LAS1L: variants seen among roughly 807,000 people sequenced by gnomAD.
The protein encoded by LAS1L is LAS1 like ribosome biogenesis factor.
In LAS1L, 5 loss-of-function variants were observed where a neutral mutation model predicts 57.3. That is an observed-to-expected ratio of 0.09 (90% confidence interval 0.05 to 0.18). The LOEUF is 0.18. Ranked by LOEUF, LAS1L falls within the 10% of genes least tolerant of loss-of-function variation. The pLI is 1.00. For synonymous variants in LAS1L, 245 were observed against 231.7 expected (o/e 1.06, Z -0.52); for missense variants, 360 against 568.3 (o/e 0.63, Z 3.73).
chrX:65,529,908 G>A (rs1483692785), intron 4 of LAS1L, 30 bp from the exon 5 acceptor site: 1 of 1,188,215 alleles, frequency 8.4e-7, no homozygotes, highest in African/African-American at 1.7e-5. Flanking sequence ...CAGTGCCACA[G>A]GATCAGGCAG....
chrX:65,512,817 C>A lies in LAS1L; in HGVS notation c.2163G>T (p.Gln721His). 1.7e-6 allele frequency: 2 copies of A among 1,168,332 alleles called. No homozygotes were observed. Among genetic ancestry groups the A allele is most frequent in the Non-Finnish European group, 2.3e-6 (2 of 873,267 alleles). ...CAGTTTTGAGCCCATGCAGCTGCCC[C>A]TGGCTCCAGAGAAGGCCCTCGAAGT... Reference protein sequence around the residue: ...SSNFEGLLWSQGQLHGLKTGL... With the variant: ...SSNFEGLLWSHGQLHGLKTGL... Residue 721 changes from glutamine (Q) to histidine (H), a missense_variant, in exon 14 of 14, where the codon CAG (glutamine) becomes CAT (histidine). Gln to His is a conservative substitution (Grantham distance 24). Transcript: ENST00000374811.
In LAS1L at chrX:65,528,485, G is replaced by A. The variant is rs1359178998; in HGVS notation, c.847-116C>T. 4 of 435,122 alleles carry A rather than the reference G, an allele frequency of 9.2e-6. No homozygotes were observed. In the East Asian group the frequency reaches 1.6e-4, roughly 17 times the overall value. The allele number at this position is 435,122 out of a possible 1,213,427, so 35.9% of individuals were successfully genotyped here. ...CACTGCCCTGCAGGGGACAGGGCAG[G>A]GCATGCAGGGGGGGGCCCACAACTC... is the stretch of plus-strand genomic sequence containing the variant. On this transcript the variant is annotated intron_variant, in intron 6 of 13. Transcript: ENST00000374811.
At chrX:65,519,279 GGTAA>G (rs1207434308) in intron 11 of LAS1L, among the ~76,000 whole-genome samples, 1 of 111,948 alleles carries the variant, frequency 8.9e-6, no homozygotes, top group East Asian at 2.8e-4. Context: ...GGGCTGGGAA[GGTAA>G]GTGTGTGCAT....
At chrX:65,531,519 G>T in intron 3 of LAS1L, 81 bp from the exon 4 acceptor site, 1 of 655,806 alleles carries the variant, frequency 1.5e-6, no homozygotes, top group Non-Finnish European at 2.4e-6. Flanking sequence ...TAATTATCCT[G>T]ACCACCTCCT....
At chrX:65,515,785 C>T (rs1458353685) in intron 12 of LAS1L, among the ~76,000 whole-genome samples, 1 of 111,648 alleles carries the variant, frequency 9.0e-6, no homozygotes, top group African/African-American at 3.3e-5. Flanking sequence ...AGCAATCTTC[C>T]TGTCCCTACC....
At chrX:65,530,081 A>G (rs1281172302) in intron 4 of LAS1L, among the ~76,000 whole-genome samples, 9 of 111,767 alleles carry the variant, frequency 8.1e-5, no homozygotes, top group Admixed American at 9.5e-5. Flanking sequence ...CTTTTTCTAG[A>G]AAAAAAAACC....
At chrX:65,530,937 C>T (rs1484866949) in intron 4 of LAS1L, among the ~76,000 whole-genome samples, 1 of 110,017 alleles carries the variant, frequency 9.1e-6, no homozygotes, top group Admixed American at 9.7e-5. Context: ...GAGCCAAGGT[C>T]GTGCCACTGC....
intron 1 of LAS1L, 56 bp from the exon 2 acceptor site, chrX:65,533,791 C>G: frequency 8.6e-7 from 1 of 1,157,594 alleles, no homozygotes. Context: ...GTCCACCCTC[C>G]ACCTCAGAAC....
At chrX:65,526,351 GACAT>G (rs901850383) in intron 7 of LAS1L, among the ~76,000 whole-genome samples, 1 of 111,723 alleles carries the variant, frequency 9.0e-6, no homozygotes, top group Non-Finnish European at 1.9e-5. Context: ...CTGGAAAATT[GACAT>G]ACTTAGATCC....
intron 7 of LAS1L, among the ~76,000 whole-genome samples, chrX:65,525,748 C>CAAAAAAAAAAAAAAAAAAAAAAAAAAA (rs772564998): frequency 1.8e-4 from 7 of 38,221 alleles, no homozygotes; most frequent in African/African-American, 6.9e-4. Context: ...TCTGATTTTT[C>CAAAAAAAAAAAAAAAAAAAAAAAAAAA]AAAAAAAAAA....
intron 13 of LAS1L, 58 bp from the exon 14 acceptor site, chrX:65,512,959 C>T: frequency 9.2e-7 from 1 of 1,081,418 alleles, no homozygotes; most frequent in Non-Finnish European, 1.2e-6. Flanking sequence ...TCTGGAGGGG[C>T]CAAGAGTGCT....
At chrX:65,521,187 T>C (rs1434504034) in intron 11 of LAS1L, 1 of 751,936 alleles carries the variant, frequency 1.3e-6, no homozygotes, top group Non-Finnish European at 1.6e-6. Context: ...AGAAAGACTT[T>C]TGGACTCAAT....
rs955546579 is a variant in LAS1L, at chrX:65,518,393, A to G, written c.1521T>C (p.Tyr507=). 2.5e-6 allele frequency: 3 copies of G among 1,210,939 alleles called. No homozygotes were observed. In the African/African-American group the frequency reaches 5.2e-5, roughly 21 times the overall value. Residue 507 remains tyrosine (Y), a synonymous_variant, in exon 12 of 14, where the codon TAT becomes TAC. Coordinates refer to ENST00000374811, the MANE Select transcript of LAS1L (RefSeq NM_031206.7). ...CCAGGCTGTTTTCTCCACTCTGGGT[A>G]TAAATGGAACAGATGCGCAGCAGCT... is the stretch of plus-strand genomic sequence containing the variant. ...QEKLLRICSI[Y]TQSGENSLVQ...
chrX:65,521,004 G>A (rs2068826803), intron 11 of LAS1L: 1 of 753,733 alleles, frequency 1.3e-6, no homozygotes, highest in African/African-American at 2.3e-5. Context: ...AGGCCCTTTT[G>A]GTTCTCCTCC....
chrX:65,531,161 G>A (rs1041489714), intron 4 of LAS1L, among the ~76,000 whole-genome samples, 196 bp downstream of exon 4: 1 of 112,229 alleles, frequency 8.9e-6, no homozygotes, highest in African/African-American at 3.2e-5. Flanking sequence ...ACATTAATAT[G>A]TTATTTATCT....
At chrX:65,516,085 T>TGGTA (rs2068617120) in intron 12 of LAS1L, among the ~76,000 whole-genome samples, 1 of 111,815 alleles carries the variant, frequency 8.9e-6, no homozygotes, top group Admixed American at 9.5e-5. Flanking sequence ...CTTCTGCATC[T>TGGTA]CCCTGGTACT....
intron 12 of LAS1L, among the ~76,000 whole-genome samples, chrX:65,516,941 C>T (rs1196833890): frequency 9.0e-6 from 1 of 111,211 alleles, no homozygotes; most frequent in African/African-American, 3.3e-5. Context: ...TCTGCCACTG[C>T]ACACCCCACA....
At position 65,533,710 on chromosome X, in the gene LAS1L, C is replaced by T; in HGVS notation, c.262G>A (p.Val88Met). The part of the protein sequence containing the change: ...SRSGNELPLA[V>M]ASTADLIRCK... ...CGTATCAGGTCAGCAGTAGAAGCCACTGCCAGAGGGAGTTCGTTGCCTGAC... is the reference window on the plus strand; with the variant it reads ...CGTATCAGGTCAGCAGTAGAAGCCATTGCCAGAGGGAGTTCGTTGCCTGAC... Residue 88 changes from valine to methionine, a missense_variant, in exon 2 of 14, where the codon GTG (valine) becomes ATG (methionine). Coordinates refer to ENST00000374811, the MANE Select transcript of LAS1L (RefSeq NM_031206.7). 8.3e-7 allele frequency: 1 copy of T among 1,211,507 alleles called. No homozygotes were observed. Among genetic ancestry groups the T allele is most frequent in the Non-Finnish European group, 1.1e-6 (1 of 895,181 alleles).
At chrX:65,533,395 G>A (rs1413253800) in intron 2 of LAS1L, among the ~76,000 whole-genome samples, 1 of 110,098 alleles carries the variant, frequency 9.1e-6, no homozygotes, top group African/African-American at 3.3e-5. Flanking sequence ...AAAAATGGAA[G>A]AGAAGGCTTT....
Sources: allele counts gnomAD v4.1 joint callset (sites outside exome capture counted in the v4.1 genomes callset), GRCh38; gene constraint gnomAD v4.1.1; transcripts MANE v1.5; gene names NCBI Gene and HGNC (gene_info 2026-07-23, HGNC 2026-07-21).